NTM: variants seen among roughly 807,000 people sequenced by gnomAD.
The protein encoded by NTM is neurotrimin, also known as IgLON family member 2.
A neutral mutation model predicts 42.1 loss-of-function variants in NTM; 13 were observed. The observed-to-expected ratio is 0.31, with a 90% CI of 0.20 to 0.49. The LOEUF (loss-of-function observed/expected upper bound fraction) is 0.49. Ranked by LOEUF, NTM falls within the 20% of genes least tolerant of loss-of-function variation. The probability of loss-of-function intolerance (pLI) is 0.99; values close to 1 mark genes in which losing one functional copy is unlikely to be tolerated. For missense variants in NTM, 373 were observed against 452.8 expected (o/e 0.82, Z 1.60); for synonymous variants, 187 against 179.2 (o/e 1.04, Z -0.35).
At chr11:131,420,383 G>T (rs1452871209) in intron 1 of NTM, among the ~76,000 whole-genome samples, 4 of 152,200 alleles carry the variant, frequency 2.6e-5, no homozygotes, top group Non-Finnish European at 5.9e-5. Context: ...TCTAGAACCT[G>T]CAGGTAGAAC....
chr11:132,192,629 A>G (rs2138286678), intron 3 of NTM, among the ~76,000 whole-genome samples: 1 of 152,294 alleles, frequency 6.6e-6, no homozygotes, highest in South Asian at 2.1e-4. Flanking sequence ...CAACATAATG[A>G]CAGGATACAA....
chr11:132,332,650 G>C (rs1417383373), intron 8 of NTM: 1 of 152,286 alleles, frequency 6.6e-6, no homozygotes, highest in Non-Finnish European at 1.5e-5. Context: ...AGAGCGCCTG[G>C]CATAGCCACA....
At chr11:132,227,943 C>G (rs1407872438) in intron 4 of NTM, among the ~76,000 whole-genome samples, 1 of 152,152 alleles carries the variant, frequency 6.6e-6, no homozygotes, top group Non-Finnish European at 1.5e-5. Flanking sequence ...CCCCAAGGAC[C>G]AAGGCAGAAG....
intron 2 of NTM, among the ~76,000 whole-genome samples, chr11:132,069,683 G>A (rs2057158231): frequency 1.4e-5 from 2 of 147,936 alleles, no homozygotes; most frequent in East Asian, 2.1e-4. Context: ...ACCATCACAG[G>A]TTAGTTAACA....
intron 2 of NTM, among the ~76,000 whole-genome samples, chr11:132,042,342 A>G (rs1036595550): frequency 3.3e-5 from 5 of 152,210 alleles, no homozygotes; most frequent in African/African-American, 7.2e-5. Context: ...GAAATGCCCA[A>G]GGGATGTTTA....
At chr11:132,175,987 G>C (rs2076750286) in intron 3 of NTM, among the ~76,000 whole-genome samples, 1 of 151,956 alleles carries the variant, frequency 6.6e-6, no homozygotes, top group Non-Finnish European at 1.5e-5. Context: ...ACAGGAGCTA[G>C]ATTTTTTGTT....
chr11:132,065,220 T>C (rs1333755217), intron 2 of NTM, among the ~76,000 whole-genome samples: 5 of 152,204 alleles, frequency 3.3e-5, no homozygotes, highest in African/African-American at 1.2e-4. Flanking sequence ...TCAGAAGAGA[T>C]GCCAAGTGTA....
chr11:131,715,014 A>G (rs2077541865), intron 1 of NTM, among the ~76,000 whole-genome samples: 1 of 152,212 alleles, frequency 6.6e-6, no homozygotes, highest in African/African-American at 2.4e-5. Flanking sequence ...AAGAAGCAAA[A>G]TCTGTTTGTG....
chr11:132,175,600 T>C (rs998164105), intron 3 of NTM, among the ~76,000 whole-genome samples: 1 of 152,092 alleles, frequency 6.6e-6, no homozygotes, highest in Non-Finnish European at 1.5e-5. Context: ...CCCCCCTTTT[T>C]TTTTTCAGAC....
intron 4 of NTM, among the ~76,000 whole-genome samples, chr11:132,278,248 T>C (rs529791641): frequency 6.6e-6 from 1 of 152,322 alleles, no homozygotes; most frequent in African/African-American, 2.4e-5. Context: ...AACCAATCAT[T>C]GTATTATGCT....
intron 4 of NTM, among the ~76,000 whole-genome samples, chr11:132,214,561 T>C (rs1430417715): frequency 6.6e-6 from 1 of 152,212 alleles, no homozygotes; most frequent in African/African-American, 2.4e-5. Context: ...GCGTCTGAAA[T>C]GTTTCTGCTT....
chr11:131,525,081 T>C (rs983191548), intron 1 of NTM, among the ~76,000 whole-genome samples: 1 of 151,562 alleles, frequency 6.6e-6, no homozygotes, highest in African/African-American at 2.4e-5. Flanking sequence ...AGAGTAATTC[T>C]CAGGGGGCGG....
chr11:131,522,987 A>G (rs1462719572), intron 1 of NTM, among the ~76,000 whole-genome samples: 1 of 152,212 alleles, frequency 6.6e-6, no homozygotes, highest in Non-Finnish European at 1.5e-5. Context: ...TTACTGGGTT[A>G]ACTAGAGGAA....
At chr11:132,209,922 C>G (rs569853613) in intron 3 of NTM, among the ~76,000 whole-genome samples, 4 of 152,242 alleles carry the variant, frequency 2.6e-5, no homozygotes, top group African/African-American at 7.2e-5. Flanking sequence ...GAAGGTAACA[C>G]TGGAGAAGGA....
At chr11:132,320,435 G>A (rs975758899) in intron 7 of NTM, among the ~76,000 whole-genome samples, 1 of 152,158 alleles carries the variant, frequency 6.6e-6, no homozygotes. Flanking sequence ...TGGAAAATCG[G>A]GTCACTCCCA....
At chr11:131,955,206 C>A (rs1369171238) in intron 2 of NTM, among the ~76,000 whole-genome samples, 2 of 152,180 alleles carry the variant, frequency 1.3e-5, no homozygotes, top group African/African-American at 4.8e-5. Context: ...CCTGCTGTCA[C>A]CCCTCACCAA....
intron 7 of NTM, among the ~76,000 whole-genome samples, chr11:132,329,547 G>A (rs1158631359): frequency 6.6e-6 from 1 of 152,186 alleles, no homozygotes; most frequent in East Asian, 1.9e-4. Context: ...GCTTGGTATT[G>A]TCCAGCTCAT....
At chr11:131,795,866 C>T in intron 1 of NTM, 1 of 984,388 alleles carries the variant, frequency 1.0e-6, no homozygotes, top group Non-Finnish European at 1.2e-6. Context: ...TGCTCCTGAA[C>T]CATAGAGACC....
intron 1 of NTM, among the ~76,000 whole-genome samples, chr11:131,500,577 AT>A (rs71475759): frequency 7.1e-4 from 54 of 76,194 alleles, no homozygotes; most frequent in Admixed American, 1.9e-3. Context: ...ATATATATAT[AT>A]TTTTTTTTTT....
Sources: gnomAD v4.1 joint callset for allele counts (sites outside exome capture counted in the v4.1 genomes callset) on GRCh38, gnomAD v4.1.1 for gene constraint, MANE v1.5 for transcripts, NCBI Gene and HGNC (gene_info 2026-07-23, HGNC 2026-07-21) for gene names.